PIEZO2: variants seen among roughly 807,000 people sequenced by gnomAD.
PIEZO2 encodes the protein piezo type mechanosensitive ion channel component 2, also known as piezo-type mechanosensitive ion channel component 2.
PIEZO2 carries 172 observed loss-of-function variants against 337.3 expected under a neutral mutation model. That is an observed-to-expected ratio of 0.51 (90% confidence interval 0.45 to 0.58). PIEZO2 has a LOEUF of 0.58. Ranked by LOEUF, PIEZO2 falls within the 20% of genes least tolerant of loss-of-function variation. The probability of loss-of-function intolerance (pLI) is 0.00; values close to 1 mark genes in which losing one functional copy is unlikely to be tolerated. For missense variants in PIEZO2, 3,028 were observed against 3,391.3 expected (o/e 0.89, Z 2.66); for synonymous variants, 1,251 against 1,228.5 (o/e 1.02, Z -0.38).
Position 10,929,090 on chromosome 18 carries a change from A to C in PIEZO2, c.287-17862T>G, listed in dbSNP as rs182314454. On this transcript the variant is annotated intron_variant, in intron 3 of 55. Transcript: ENST00000674853. The surrounding 1 kb of genome is among the most constrained non-coding windows in gnomAD (Gnocchi z 5.6). ...AGGTTTTGGCTGACTGTGGTCTCCC[A>C]GCTGCTGTTGTAAAGGTATCCATGC... Among the ~76,000 whole-genome samples, 1 of 152,230 alleles carries C rather than the reference A, an allele frequency of 6.6e-6. No individual in the cohort carries two copies. The highest frequency in any genetic ancestry group is 1.5e-5 in the Non-Finnish European group (1 of 68,048).
chr18:10,989,162 C>T (rs907699786), intron 2 of PIEZO2, among the ~76,000 whole-genome samples: 2 of 151,966 alleles, frequency 1.3e-5, no homozygotes, highest in Non-Finnish European at 2.9e-5. Flanking sequence ...ATGTTTATGG[C>T]TTTGATGGCG....
rs1042624275 is a variant in PIEZO2, at chr18:10,979,200, T to A, written c.286+335A>T. Among the ~76,000 whole-genome samples the A allele has an allele frequency of 6.6e-6, 1 of 150,936 alleles. No individual in the cohort carries two copies. The highest frequency in any genetic ancestry group is 1.5e-5 in the Non-Finnish European group (1 of 67,654). On this transcript the variant is annotated intron_variant, in intron 3 of 55. Transcript: ENST00000674853. The surrounding 1 kb of genome is among the most constrained non-coding windows in gnomAD (Gnocchi z 4.0). ...TTCATCATGTTAGAAATTGTACCTT[T>A]TTTTTTTTTTACTCGCTGTAATGAA...
chr18:11,092,933 GTTC>G lies in PIEZO2; in HGVS notation c.65-26714_65-26712del, dbSNP rs2146050401. Among the ~76,000 whole-genome samples, 2 of 152,264 alleles carry G rather than the reference GTTC, an allele frequency of 1.3e-5. No individual in the cohort carries two copies. The highest frequency in any genetic ancestry group is 4.8e-5 in the African/African-American group (2 of 41,548). ...AATTGGCTTAATATGCACGTAAAGT[GTTC>G]TTTTAAATCAAACCATTCTCACTTA... is the stretch of plus-strand genomic sequence containing the variant. On this transcript the variant is annotated intron_variant, in intron 1 of 55. Transcript: ENST00000674853. The surrounding 1 kb of genome is among the most constrained non-coding windows in gnomAD (Gnocchi z 4.5).
At chr18:11,025,983 G>A (rs1222675605) in intron 2 of PIEZO2, among the ~76,000 whole-genome samples, 1 of 152,118 alleles carries the variant, frequency 6.6e-6, no homozygotes, top group Non-Finnish European at 1.5e-5. Context: ...CTGATCCTCA[G>A]GAGTCCCTTC....
rs1236806324 is a variant in PIEZO2 at position 10,795,389 on chromosome 18, ATTTTAT to A, written c.1528-393_1528-388del. On this transcript the variant is annotated intron_variant, in intron 12 of 55. Transcript: ENST00000674853. The surrounding 1 kb of genome is among the most constrained non-coding windows in gnomAD (Gnocchi z 4.4). ...ATTTTATTTTATTTTATTTTATTTT[ATTTTAT>A]TTTATTTTATTTTATTCAGCTCTAT... is the stretch of plus-strand genomic sequence containing the variant. Among the ~76,000 whole-genome samples the A allele has an allele frequency of 0.012, 258 of 22,028 alleles. 4 individuals are homozygous for A. Among genetic ancestry groups the A allele is most frequent in the East Asian group, 0.076 (27 of 354 alleles). The allele number at this position is 22,028 out of a possible 152,430, so 14.5% of individuals were successfully genotyped here.
At chr18:10,971,503 T>C (rs2034236804) in intron 3 of PIEZO2, among the ~76,000 whole-genome samples, 1 of 152,072 alleles carries the variant, frequency 6.6e-6, no homozygotes, top group Admixed American at 6.5e-5. Context: ...GTAGGGACGG[T>C]GGGTTCAAGG....
At chr18:11,052,496 C>T (rs2037566493) in intron 2 of PIEZO2, among the ~76,000 whole-genome samples, 1 of 152,120 alleles carries the variant, frequency 6.6e-6, no homozygotes, top group Non-Finnish European at 1.5e-5. Context: ...CACCTTTGAA[C>T]CCTTTGTTTT....
intron 3 of PIEZO2, among the ~76,000 whole-genome samples, chr18:10,941,888 G>A (rs1317260878): frequency 1.3e-5 from 2 of 152,190 alleles, no homozygotes; most frequent in African/African-American, 2.4e-5. Flanking sequence ...TGTTGTGGGA[G>A]GGACCCAGTG....
intron 30 of PIEZO2, among the ~76,000 whole-genome samples, chr18:10,744,929 A>T (rs1388772733): frequency 6.6e-6 from 1 of 152,112 alleles, no homozygotes; most frequent in Non-Finnish European, 1.5e-5. Flanking sequence ...TGCTGGAAAA[A>T]ACACCTGCTT....
chr18:10,896,781 G>A (rs902509232), intron 4 of PIEZO2, among the ~76,000 whole-genome samples: 14 of 152,202 alleles, frequency 9.2e-5, no homozygotes, highest in African/African-American at 3.4e-4. Flanking sequence ...CTTGCTGTGT[G>A]AGGTCCGGCA....
chr18:11,041,898 C>T (rs551969133), intron 2 of PIEZO2, among the ~76,000 whole-genome samples: 1 of 152,280 alleles, frequency 6.6e-6, no homozygotes, highest in South Asian at 2.1e-4. Context: ...ATCTCTAGGA[C>T]TGAGCAGAAA....
At chr18:10,678,811 TC>T (rs1347889280) in intron 52 of PIEZO2, among the ~76,000 whole-genome samples, 29 of 141,474 alleles carry the variant, frequency 2.0e-4, no homozygotes, top group African/African-American at 8.6e-4. Context: ...TCTCAGGAAG[TC>T]TCTCTCTTCG....
intron 7 of PIEZO2, among the ~76,000 whole-genome samples, chr18:10,827,513 C>CTT (rs760506852): frequency 9.2e-4 from 140 of 152,072 alleles, no homozygotes; most frequent in South Asian, 1.7e-3. Context: ...TTTTTTCTCT[C>CTT]TCTGCTCCCC....
chr18:10,787,768 C>T (rs1196676236), intron 15 of PIEZO2, among the ~76,000 whole-genome samples: 10 of 151,914 alleles, frequency 6.6e-5, no homozygotes. Flanking sequence ...TATTGTAGTT[C>T]CTTTATTTGT....
At chr18:10,760,825 CA>C (rs773505841) in intron 24 of PIEZO2, 85 bp downstream of exon 24, 8 of 1,136,082 alleles carry the variant, frequency 7.0e-6, no homozygotes, top group Non-Finnish European at 1.0e-5. Context: ...AGATGTATCA[CA>C]AAGTTCCAGT....
rs1001024939 is a variant in PIEZO2 at position 11,070,054 on chromosome 18, T to C, written c.65-3832A>G. On this transcript the variant is annotated intron_variant, in intron 1 of 55. Transcript: ENST00000674853. This position sits in a 1 kb window ranked among gnomAD's most constrained non-coding sequence, Gnocchi z 4.3. Reference sequence around the variant, plus strand: ...CATGGACCTCTTAGCATCAGCAATATGCTCTGAGAAATGCATTGTTAGGTA... The same window carrying C: ...CATGGACCTCTTAGCATCAGCAATACGCTCTGAGAAATGCATTGTTAGGTA... 5.9e-5 allele frequency among the ~76,000 whole-genome samples: 9 copies of C among 152,184 alleles called. No homozygotes were observed. Among genetic ancestry groups the C allele is most frequent in the Non-Finnish European group, 5.9e-5 (4 of 68,040 alleles).
intron 1 of PIEZO2, among the ~76,000 whole-genome samples, chr18:11,144,121 C>T (rs2146296089): frequency 6.6e-6 from 1 of 152,286 alleles, no homozygotes; most frequent in Admixed American, 6.5e-5. Context: ...TTATCTCTGA[C>T]TACGAACAAA....
Position 10,726,777 on chromosome 18 carries a change from G to A in PIEZO2, c.5029+4630C>T. ...CGCTGCTGACCTCACTGGGCAAGGTGTCCTATGAGGATGTGGACCACCTGC... is the reference window on the plus strand; with the variant it reads ...CGCTGCTGACCTCACTGGGCAAGGTATCCTATGAGGATGTGGACCACCTGC... On this transcript the variant is annotated intron_variant, in intron 36 of 55. Transcript: ENST00000674853. This position sits in a 1 kb window ranked among gnomAD's most constrained non-coding sequence, Gnocchi z 5.9. 1 of 1,540,146 alleles carries A rather than the reference G, an allele frequency of 6.5e-7. No homozygotes were observed. The highest frequency in any genetic ancestry group is 8.9e-7 in the Non-Finnish European group (1 of 1,118,592).
chr18:10,762,090 G>A (rs1368503705), intron 23 of PIEZO2, among the ~76,000 whole-genome samples: 3 of 152,160 alleles, frequency 2.0e-5, no homozygotes, highest in Non-Finnish European at 4.4e-5. Context: ...AACCACTATT[G>A]AGCATTTGGT....
Sources: allele counts gnomAD v4.1 joint callset (sites outside exome capture counted in the v4.1 genomes callset), GRCh38; gene constraint gnomAD v4.1.1; non-coding constraint Gnocchi (gnomAD v3.1); transcripts MANE v1.5; gene names NCBI Gene and HGNC (gene_info 2026-07-23, HGNC 2026-07-21).